Variants in PHRF1 observed in about 807,000 individuals in gnomAD.
PHRF1 encodes the protein PHD and RING finger domain-containing protein 1.
Under a neutral mutation model 128.9 loss-of-function variants are expected in PHRF1, and 53 were observed. That is an observed-to-expected ratio of 0.41 (90% confidence interval 0.33 to 0.52). PHRF1 has a LOEUF of 0.52. Ranked by LOEUF, PHRF1 falls within the 20% of genes least tolerant of loss-of-function variation. PHRF1 has a pLI of 0.21. For missense variants in PHRF1, 2,503 were observed against 2,284.5 expected (o/e 1.10, Z -1.95); for synonymous variants, 1,178 against 980.6 (o/e 1.20, Z -3.76).
chr11:602,353 C>G (rs983764352), intron 10 of PHRF1, among the ~76,000 whole-genome samples: 1 of 152,130 alleles, frequency 6.6e-6, no homozygotes, highest in African/African-American at 2.4e-5. Context: ...CTTGTCCACT[C>G]GGACTGCACA....
In PHRF1 at chr11:608,337, A is replaced by G. The variant is rs1429025865; in HGVS notation, c.2881A>G (p.Thr961Ala). 1.9e-6 allele frequency: 3 copies of G among 1,609,962 alleles called. No individual in the cohort carries two copies. Among genetic ancestry groups the G allele is most frequent in the Non-Finnish European group, 2.5e-6 (3 of 1,178,938 alleles). The change falls in exon 14 of 18, where the codon ACC (threonine) becomes GCC (alanine). Residue 961 changes from threonine to alanine, a missense_variant. Coordinates refer to ENST00000264555, the MANE Select transcript of PHRF1 (RefSeq NM_001286581.2). ...CTTTGGCTCTGAGGAGCGGACGGTG[A>G]CCTGTGTGACTGTCGTGGAGCCGGA... ...TFFGSEERTV[T>A]CVTVVEPEAP...
chr11:598,543 G>A (rs1191485143), intron 9 of PHRF1, 41 bp downstream of exon 9: 10 of 1,584,876 alleles, frequency 6.3e-6, no homozygotes, highest in Non-Finnish European at 8.6e-6. Flanking sequence ...GCCACAGGCT[G>A]GGACCCACGC....
intron 10 of PHRF1, among the ~76,000 whole-genome samples, 165 bp downstream of exon 10, chr11:601,866 T>A (rs1422332335): frequency 6.6e-6 from 1 of 152,254 alleles, no homozygotes; most frequent in Non-Finnish European, 1.5e-5. Flanking sequence ...GATTTGCTGA[T>A]GGAAATGAAC....
chr11:596,798 C>G (rs1855305625), intron 6 of PHRF1, 125 bp from the exon 7 acceptor site: 1 of 749,094 alleles, frequency 1.3e-6, no homozygotes, highest in Non-Finnish European at 2.3e-6. Flanking sequence ...TGTGGGTCAG[C>G]CCATAACAGA....
At chr11:611,119 T>C (rs1364520072) in intron 17 of PHRF1, 37 bp downstream of exon 17, 1 of 1,594,030 alleles carries the variant, frequency 6.3e-7, no homozygotes, top group Non-Finnish European at 8.5e-7. Flanking sequence ...GGGCTCGGGG[T>C]CACGGGCGGT....
In PHRF1 at chr11:591,388, C is replaced by G; in HGVS notation, c.425C>G (p.Ala142Gly). Residue 142 changes from alanine (A) to glycine (G), a missense_variant, in exon 5 of 18, where the codon GCC becomes GGC. Transcript: ENST00000264555. Reference sequence around the variant, plus strand: ...TCCTGTTTTTATTTCTCACAGAATGCCAATTCCTGTCCAGTTGATCGAACT... The same window carrying G: ...TCCTGTTTTTATTTCTCACAGAATGGCAATTCCTGTCCAGTTGATCGAACT... ...LDCIVEWSKN[A>G]NSCPVDRTLF... The G allele has an allele frequency of 6.2e-7, 1 of 1,606,258 alleles. No homozygotes were observed. Among genetic ancestry groups the G allele is most frequent in the Non-Finnish European group, 8.5e-7 (1 of 1,176,372 alleles).
chr11:601,945 G>A (rs1337515865), intron 10 of PHRF1, among the ~76,000 whole-genome samples: 1 of 152,234 alleles, frequency 6.6e-6, no homozygotes, highest in Non-Finnish European at 1.5e-5. Flanking sequence ...AGGGGTTGAG[G>A]GGTGGTCATG....
rs1856136734 is a variant in PHRF1 at position 608,787 on chromosome 11, A to G, written c.3331A>G (p.Lys1111Glu). 6.2e-7 allele frequency: 1 copy of G among 1,611,842 alleles called. No homozygotes were observed. The highest frequency in any genetic ancestry group is 8.5e-7 in the Non-Finnish European group (1 of 1,179,688). Residue 1111 changes from lysine to glutamate, a missense_variant, in exon 14 of 18, where the codon AAA becomes GAA. Transcript: ENST00000264555. ...YEHYESRKKK[K>E]RRSASRPRGR... ...GCACTATGAGAGTAGGAAGAAGAAG[A>G]AAAGGAGATCAGCGTCCAGACCTCG...
Position 598,380 on chromosome 11 carries a change from C to T in PHRF1, c.902C>T (p.Pro301Leu). 1 of 1,609,122 alleles carries T rather than the reference C, an allele frequency of 6.2e-7. No homozygotes were observed. Among genetic ancestry groups the T allele is most frequent in the South Asian group, 1.1e-5 (1 of 91,048 alleles). Residue 301 changes from proline (P) to leucine (L), a missense_variant, in exon 9 of 18, where the codon CCA becomes CTA. Coordinates refer to ENST00000264555, the MANE Select transcript of PHRF1 (RefSeq NM_001286581.2). ...CCACCCCTTTGCCTGTAGCACACAC[C>T]AGGGCGCCTCGGGTCTTCCCTGCTG... ...ISTARRVQHTPGRLGSSLLDE... is the reference protein window; with the variant it reads ...ISTARRVQHTLGRLGSSLLDE...
chr11:581,041 C>T (rs898858076), intron 1 of PHRF1, among the ~76,000 whole-genome samples: 4 of 151,984 alleles, frequency 2.6e-5, no homozygotes, highest in Non-Finnish European at 5.9e-5. Flanking sequence ...TCAGGCTGGT[C>T]TCAAACTCCC....
intron 9 of PHRF1, among the ~76,000 whole-genome samples, chr11:599,619 CG>C (rs1409903090): frequency 6.6e-6 from 1 of 152,132 alleles, no homozygotes; most frequent in Non-Finnish European, 1.5e-5. Context: ...GTTTGACAGA[CG>C]TAACTTCCAT....
intron 6 of PHRF1, among the ~76,000 whole-genome samples, chr11:594,890 C>G (rs866152554): frequency 5.1e-4 from 68 of 134,624 alleles, no homozygotes; most frequent in Middle Eastern, 3.7e-3. Flanking sequence ...AATTACTTGG[C>G]AGATAAAACA....
In PHRF1 at chr11:610,713, G is replaced by A. The variant is rs1232510752; in HGVS notation, c.4629G>A (p.Glu1543=). 1.9e-6 allele frequency: 3 copies of A among 1,602,838 alleles called. No individual in the cohort carries two copies. The South Asian group carries it at 3.3e-5, about 18-fold the overall frequency. ...CCACTGCAGCCAGCAACTCGGAGGA[G>A]AAGACCCCGGCCCCCAGGCTAGCTG... ...SQATAASNSE[E]KTPAPRLAAE... Residue 1543 remains glutamate, a synonymous_variant, in exon 16 of 18, where the codon GAG becomes GAA. Transcript: ENST00000264555.
chr11:579,483 C>T lies in PHRF1; in HGVS notation c.-21-2009C>T, dbSNP rs564553413. On this transcript the variant is annotated intron_variant, in intron 1 of 17. Coordinates refer to ENST00000264555, the MANE Select transcript of PHRF1 (RefSeq NM_001286581.2). ...ACAGCTATTGCCAGGGAGTTAAGGT[C>T]CTCTTATCTGAGAGCTGTGGTCACT... Among the ~76,000 whole-genome samples, 14 of 152,318 alleles carry T rather than the reference C, an allele frequency of 9.2e-5. 1 individual carries two copies. Among genetic ancestry groups the T allele is most frequent in the African/African-American group, 2.9e-4 (12 of 41,568 alleles).
intron 12 of PHRF1, 127 bp from the exon 13 acceptor site, chr11:606,315 T>G: frequency 8.1e-7 from 1 of 1,228,632 alleles, no homozygotes; most frequent in Non-Finnish European, 1.1e-6. Context: ...GCCAGGGCTG[T>G]GGGGGAGGCG....
At position 607,491 on chromosome 11, in the gene PHRF1, C is replaced by T. The variant is rs761928233; in HGVS notation, c.2035C>T (p.Leu679=). 2 of 1,612,880 alleles carry T rather than the reference C, an allele frequency of 1.2e-6. No homozygotes were observed. The highest frequency in any genetic ancestry group is 8.5e-7 in the Non-Finnish European group (1 of 1,179,900). The change falls in exon 14 of 18, where the codon CTA becomes TTA. Residue 679 remains leucine (L), a synonymous_variant. Transcript: ENST00000264555. ...PAPRRTDISE[L]PRIPKIRRDD... is the part of the protein sequence containing the mutation. ...GCCCAGAAGAACAGACATCTCTGAGCTACCCAGGATACCAAAGATCAGGAG... is the reference window on the plus strand; with the variant it reads ...GCCCAGAAGAACAGACATCTCTGAGTTACCCAGGATACCAAAGATCAGGAG...
intron 5 of PHRF1, 28 bp from the exon 6 acceptor site, chr11:592,531 G>C: frequency 6.2e-7 from 1 of 1,604,678 alleles, no homozygotes; most frequent in Non-Finnish European, 8.5e-7. Context: ...TGGGTCCTGT[G>C]TGGTGGTGAC....
chr11:590,315 C>T (rs567186100), intron 4 of PHRF1, among the ~76,000 whole-genome samples: 22 of 152,232 alleles, frequency 1.4e-4, no homozygotes, highest in Non-Finnish European at 2.4e-4. Context: ...CACGAAGACA[C>T]GTCCATCGAT....
At chr11:586,002 C>T (rs944055567) in intron 3 of PHRF1, among the ~76,000 whole-genome samples, 1 of 152,046 alleles carries the variant, frequency 6.6e-6, no homozygotes, top group African/African-American at 2.4e-5. Flanking sequence ...GCTGGGATTA[C>T]AGGCACACGC....
Sources: allele counts gnomAD v4.1 joint callset (sites outside exome capture counted in the v4.1 genomes callset), GRCh38; gene constraint gnomAD v4.1.1; transcripts MANE v1.5; gene names NCBI Gene and HGNC (gene_info 2026-07-23, HGNC 2026-07-21).